The following METTL9 variants were observed in gnomAD, a reference collection of about 807,000 sequenced individuals.
METTL9 encodes the protein methyltransferase 9, His-X-His N1(pi)-histidine.
In METTL9, 10 loss-of-function variants were observed where a neutral mutation model predicts 36.0. The observed-to-expected ratio is 0.28, with a 90% CI of 0.17 to 0.47. The LOEUF (loss-of-function observed/expected upper bound fraction) is 0.47. Ranked by LOEUF, METTL9 falls within the 20% of genes least tolerant of loss-of-function variation. METTL9 has a pLI of 0.99. For synonymous variants in METTL9, 175 were observed against 149.7 expected (o/e 1.17, Z -1.23); for missense variants, 246 against 383.5 (o/e 0.64, Z 3.00).
chr16:21,626,616 G>A (rs1302882290), intron 4 of METTL9: 2 of 152,100 alleles, frequency 1.3e-5, no homozygotes, highest in African/African-American at 4.8e-5. Context: ...GTTGTCGAGT[G>A]GTTTGTCATG....
intron 4 of METTL9, among the ~76,000 whole-genome samples, chr16:21,651,039 C>T (rs1208329937): frequency 6.6e-6 from 1 of 152,048 alleles, no homozygotes; most frequent in South Asian, 2.1e-4. Context: ...CTGGCTAACA[C>T]GGTGAAACGC....
chr16:21,630,846 C>G (rs1006767398), intron 4 of METTL9, among the ~76,000 whole-genome samples: 2 of 152,148 alleles, frequency 1.3e-5, no homozygotes, highest in Non-Finnish European at 2.9e-5. Context: ...GGGGAGAAGC[C>G]ATGTTGCCCA....
Position 21,623,693 on chromosome 16 carries a change from C to A in METTL9, c.567-1238C>A, listed in dbSNP as rs536580154. Among the ~76,000 whole-genome samples, 277 of 152,210 alleles carry A rather than the reference C, an allele frequency of 1.8e-3. 1 individual carries two copies. The highest frequency in any genetic ancestry group is 6.3e-3 in the African/African-American group (263 of 41,542). On this transcript the variant is annotated intron_variant, in intron 3 of 4. Transcript: ENST00000358154. ...TGTATGAAAGTGAGAGATTGAGGATCGAGAGTGGTTTTTTTTTAAACCATG... is the reference window on the plus strand; with the variant it reads ...TGTATGAAAGTGAGAGATTGAGGATAGAGAGTGGTTTTTTTTTAAACCATG...
intron 4 of METTL9, chr16:21,643,658 G>A: frequency 9.3e-7 from 1 of 1,070,590 alleles, no homozygotes; most frequent in Admixed American, 2.0e-5. Flanking sequence ...AATGGTGGCA[G>A]ATATCTCATG....
intron 4 of METTL9, chr16:21,641,708 T>C (rs1165155704): frequency 9.4e-6 from 5 of 531,834 alleles, no homozygotes; most frequent in South Asian, 5.8e-5. Context: ...TAAGTGTCCA[T>C]ATGGTAATCT....
At position 21,647,417 on chromosome 16, in the gene METTL9, G is replaced by C. The variant is rs200635568; in HGVS notation, c.752-7810G>C. The C allele has an allele frequency of 8.7e-6, 14 of 1,613,958 alleles. No homozygotes were observed. The African/African-American group carries it at 1.9e-4, about 22-fold the overall frequency. ...GGTTGCGGAGAAGGTACACTTTATG[G>C]TGACGGCCTCATGAGTGTAGTCCAC... On this transcript the variant is annotated intron_variant, in intron 4 of 4. Coordinates refer to ENST00000358154, the MANE Select transcript of METTL9 (RefSeq NM_016025.5).
intron 4 of METTL9, chr16:21,640,090 A>C (rs983383453): frequency 7.2e-5 from 11 of 152,076 alleles, no homozygotes; most frequent in Admixed American, 6.5e-4. Flanking sequence ...GGTGTGTGCC[A>C]CCAAACCCCG....
chr16:21,610,225 T>C (rs1024528104), intron 1 of METTL9, among the ~76,000 whole-genome samples: 3 of 152,240 alleles, frequency 2.0e-5, no homozygotes, highest in Non-Finnish European at 4.4e-5. Context: ...TCAAGACATT[T>C]CACGTAAGTG....
chr16:21,635,435 G>T (rs756875822), intron 4 of METTL9, among the ~76,000 whole-genome samples: 1 of 152,066 alleles, frequency 6.6e-6, no homozygotes, highest in Non-Finnish European at 1.5e-5. Context: ...TAAGCTGAGC[G>T]GTCCTCCTGT....
chr16:21,599,692 C>G lies in METTL9; in HGVS notation c.-42C>G, dbSNP rs1965050078. On this transcript the variant is annotated 5_prime_UTR_variant, in exon 1 of 5. Coordinates refer to ENST00000358154, the MANE Select transcript of METTL9 (RefSeq NM_016025.5). The surrounding 1 kb of genome is among the most constrained non-coding windows in gnomAD (Gnocchi z 4.4). The stretch of plus-strand genomic sequence containing the variant: ...GGCGGCGGTGCCTCCTCCTCCTCGC[C>G]CCGGCGCCGGCGGTGATCCGAGCGA... The G allele has an allele frequency of 2.1e-6, 3 of 1,437,086 alleles. No individual in the cohort carries two copies. The highest frequency in any genetic ancestry group is 2.7e-6 in the Non-Finnish European group (3 of 1,099,052). 89.0% of individuals were successfully genotyped at this position (1,437,086 alleles called of 1,614,324 possible). A position where few individuals can be genotyped will look rare whatever the true frequency, so the allele number is the denominator to read the frequency against.
chr16:21,639,286 G>A (rs1966185995), intron 4 of METTL9, among the ~76,000 whole-genome samples: 1 of 152,142 alleles, frequency 6.6e-6, no homozygotes. Context: ...CATGGGAAAG[G>A]CATATTGTGA....
chr16:21,638,713 G>A (rs1966170922), intron 4 of METTL9, among the ~76,000 whole-genome samples: 1 of 152,192 alleles, frequency 6.6e-6, no homozygotes, highest in Admixed American at 6.5e-5. Flanking sequence ...GGGTGAGTTA[G>A]GGAAGGTTTC....
At chr16:21,632,412 A>G (rs1299071295) in intron 4 of METTL9, among the ~76,000 whole-genome samples, 1 of 152,176 alleles carries the variant, frequency 6.6e-6, no homozygotes, top group Non-Finnish European at 1.5e-5. Flanking sequence ...TGCCCTTTGT[A>G]TCCCATTCTC....
At chr16:21,632,008 G>C (rs1965975603) in intron 4 of METTL9, among the ~76,000 whole-genome samples, 1 of 151,620 alleles carries the variant, frequency 6.6e-6, no homozygotes, top group South Asian at 2.1e-4. Flanking sequence ...GACTCCCTCT[G>C]TCTCTTCCTC....
rs551517278 is a variant in METTL9 at position 21,641,309 on chromosome 16, T to G, written c.752-13918T>G. On this transcript the variant is annotated intron_variant, in intron 4 of 4. Coordinates refer to ENST00000358154, the MANE Select transcript of METTL9 (RefSeq NM_016025.5). Reference sequence around the variant, plus strand: ...CAAGTTTAAAATAGAATTTTTTTTCTTGGCAAATTTGGAAGGTATTTTTCA... The same window carrying G: ...CAAGTTTAAAATAGAATTTTTTTTCGTGGCAAATTTGGAAGGTATTTTTCA... 305 of 359,938 alleles carry G rather than the reference T, an allele frequency of 8.5e-4. 4 individuals carry two copies. Among genetic ancestry groups the G allele is most frequent in the African/African-American group, 5.5e-3 (260 of 47,368 alleles). The allele number at this position is 359,938 out of a possible 1,614,324, so 22.3% of individuals were successfully genotyped here.
intron 4 of METTL9, chr16:21,647,189 C>G: frequency 6.2e-7 from 1 of 1,614,198 alleles, no homozygotes; most frequent in Non-Finnish European, 8.5e-7. Flanking sequence ...TTCCGGCACA[C>G]TGGGGAATGC....
rs1375458445 is a variant in METTL9, at chr16:21,641,524, T to G, written c.752-13703T>G. On this transcript the variant is annotated intron_variant, in intron 4 of 4. Transcript: ENST00000358154. ...GATTTTCAGTGACTTCATTGAAAATTAAAACGTTTCTATGGCCTTTCATAG... is the reference window on the plus strand; with the variant it reads ...GATTTTCAGTGACTTCATTGAAAATGAAAACGTTTCTATGGCCTTTCATAG... The G allele has an allele frequency of 1.9e-6, 3 of 1,557,292 alleles. No homozygotes were observed. The Admixed American group carries it at 5.2e-5, about 27-fold the overall frequency.
chr16:21,652,348 T>G, intron 4 of METTL9: 1 of 491,594 alleles, frequency 2.0e-6, no homozygotes, highest in Non-Finnish European at 3.6e-6. Context: ...AATATGAAAC[T>G]TTTTCTCAGC....
chr16:21,617,726 C>CT, intron 2 of METTL9, 139 bp from the exon 3 acceptor site: 1 of 700,824 alleles, frequency 1.4e-6, no homozygotes, highest in Non-Finnish European at 2.4e-6. Flanking sequence ...GAGACCTTGT[C>CT]TAAAAAAAAA....
Sources: allele counts gnomAD v4.1 joint callset (sites outside exome capture counted in the v4.1 genomes callset), GRCh38; gene constraint gnomAD v4.1.1; non-coding constraint Gnocchi (gnomAD v3.1); transcripts MANE v1.5; gene names NCBI Gene and HGNC (gene_info 2026-07-23, HGNC 2026-07-21).